COMMD1: variants seen among roughly 807,000 people sequenced by gnomAD.
COMMD1 encodes the protein copper metabolism domain containing 1, also known as COMM domain-containing protein 1.
Under a neutral mutation model 17.2 loss-of-function variants are expected in COMMD1, and 10 were observed. That is an observed-to-expected ratio of 0.58 (90% CI 0.36 to 0.99). The LOEUF (loss-of-function observed/expected upper bound fraction) is 0.99. Ranked by LOEUF, COMMD1 falls within the 50% of genes least tolerant of loss-of-function variation. The pLI is 0.01. For synonymous variants in COMMD1, 97 were observed against 91.6 expected (o/e 1.06, Z -0.34); for missense variants, 270 against 231.8 (o/e 1.17, Z -1.07).
chr2:61,918,706 C>T (rs180892860), intron 1 of COMMD1: 1 of 152,136 alleles, frequency 6.6e-6, no homozygotes, highest in East Asian at 1.9e-4. Flanking sequence ...TTGCTCTATA[C>T]ACAAGGTAAA....
intron 2 of COMMD1, among the ~76,000 whole-genome samples, chr2:62,130,029 G>T (rs1391098929): frequency 1.3e-5 from 2 of 152,028 alleles, no homozygotes; most frequent in African/African-American, 4.8e-5. Flanking sequence ...TAAAAAATTA[G>T]CCGGGCGTGG....
chr2:61,991,901 G>T (rs953012440), intron 1 of COMMD1, among the ~76,000 whole-genome samples: 3 of 151,992 alleles, frequency 2.0e-5, no homozygotes, highest in Non-Finnish European at 4.4e-5. Flanking sequence ...TTCTTTTTTT[G>T]TAGTAAATAT....
At chr2:61,948,812 C>T (rs1670979145) in intron 1 of COMMD1, among the ~76,000 whole-genome samples, 1 of 152,060 alleles carries the variant, frequency 6.6e-6, no homozygotes, top group Non-Finnish European at 1.5e-5. Flanking sequence ...ATTTTTAGCC[C>T]CAGGTGGTTG....
chr2:61,913,399 C>G (rs1050604534), intron 1 of COMMD1, among the ~76,000 whole-genome samples: 2 of 147,236 alleles, frequency 1.4e-5, no homozygotes, highest in Non-Finnish European at 3.0e-5. Flanking sequence ...GAAAAGTGGC[C>G]GGGCATGGTG....
intron 1 of COMMD1, among the ~76,000 whole-genome samples, chr2:61,892,074 G>T (rs1362533341): frequency 2.6e-5 from 4 of 151,672 alleles, no homozygotes; most frequent in Admixed American, 6.6e-5. Context: ...CCGGTGATCC[G>T]CCTGCCTTGG....
intron 2 of COMMD1, among the ~76,000 whole-genome samples, chr2:62,012,310 CGT>C (rs1168666229): frequency 6.9e-6 from 1 of 145,440 alleles, no homozygotes; most frequent in Non-Finnish European, 1.5e-5. Flanking sequence ...CACACACACA[CGT>C]GACCTTTGGC....
intron 2 of COMMD1, chr2:62,084,849 C>T (rs563510537): frequency 6.6e-6 from 1 of 152,216 alleles, no homozygotes; most frequent in East Asian, 1.9e-4. Context: ...GTATCCTTTT[C>T]CAAGCACAGA....
At chr2:61,953,019 C>T (rs989330381) in intron 1 of COMMD1, among the ~76,000 whole-genome samples, 4 of 151,892 alleles carry the variant, frequency 2.6e-5, no homozygotes, top group African/African-American at 9.7e-5. Flanking sequence ...AGGTTAGTTT[C>T]TTTTTTTTGA....
chr2:61,990,877 C>CAA (rs139284456), intron 1 of COMMD1, among the ~76,000 whole-genome samples: 10 of 111,668 alleles, frequency 9.0e-5, no homozygotes, highest in South Asian at 3.0e-4. Context: ...TCTGTCTTTA[C>CAA]AAAAAAAAAA....
At chr2:61,952,222 C>T (rs1040499878) in intron 1 of COMMD1, among the ~76,000 whole-genome samples, 5 of 152,134 alleles carry the variant, frequency 3.3e-5, no homozygotes, top group East Asian at 1.9e-4. Flanking sequence ...AAAACTTAAC[C>T]CCTTCCTTGT....
intron 2 of COMMD1, among the ~76,000 whole-genome samples, chr2:62,074,789 T>C (rs893844466): frequency 6.6e-6 from 1 of 152,176 alleles, no homozygotes; most frequent in African/African-American, 2.4e-5. Flanking sequence ...CCATTTCTCC[T>C]TTCCCTCTTA....
chr2:62,069,566 G>A (rs1042529777), intron 2 of COMMD1: 2 of 152,108 alleles, frequency 1.3e-5, no homozygotes, highest in African/African-American at 4.8e-5. Flanking sequence ...TGTGGGTGGT[G>A]GGTAGGGCAA....
At chr2:62,092,542 A>T (rs1359845793) in intron 2 of COMMD1, among the ~76,000 whole-genome samples, 1 of 152,138 alleles carries the variant, frequency 6.6e-6, no homozygotes, top group Admixed American at 6.6e-5. Flanking sequence ...GCAGTACGAG[A>T]GTTGATTGAA....
At chr2:62,093,840 A>G (rs1251125954) in intron 2 of COMMD1, among the ~76,000 whole-genome samples, 2 of 152,216 alleles carry the variant, frequency 1.3e-5, no homozygotes, top group Non-Finnish European at 2.9e-5. Flanking sequence ...TGCCAAAATC[A>G]TGGGCTACTC....
At chr2:62,023,461 T>C (rs1332439097) in intron 2 of COMMD1, among the ~76,000 whole-genome samples, 1 of 151,970 alleles carries the variant, frequency 6.6e-6, no homozygotes, top group East Asian at 1.9e-4. Context: ...TCTACAAATA[T>C]TTATATATGC....
intron 1 of COMMD1, among the ~76,000 whole-genome samples, chr2:61,921,727 G>A (rs980936069): frequency 6.6e-6 from 1 of 152,114 alleles, no homozygotes; most frequent in Non-Finnish European, 1.5e-5. Flanking sequence ...ACAGGCGTGA[G>A]CCACCGTGCC....
At chr2:62,018,985 G>A (rs1479753169) in intron 2 of COMMD1, among the ~76,000 whole-genome samples, 1 of 150,110 alleles carries the variant, frequency 6.7e-6, no homozygotes, top group Non-Finnish European at 1.5e-5. Context: ...TAGAAGAATA[G>A]AAGAGAGCAA....
At chr2:62,019,184 T>C (rs1669544779) in intron 2 of COMMD1, among the ~76,000 whole-genome samples, 1 of 146,122 alleles carries the variant, frequency 6.8e-6, no homozygotes, top group Non-Finnish European at 1.5e-5. Context: ...TTTCTTTCAT[T>C]TTCTTTTTGA....
intron 2 of COMMD1, among the ~76,000 whole-genome samples, chr2:62,063,795 T>G (rs1670943322): frequency 6.7e-6 from 1 of 148,692 alleles, no homozygotes; most frequent in Non-Finnish European, 1.5e-5. Flanking sequence ...CTATTTCGCT[T>G]TTTTTTCATA....
Sources: allele counts gnomAD v4.1 joint callset (sites outside exome capture counted in the v4.1 genomes callset), GRCh38; gene constraint gnomAD v4.1.1; transcripts MANE v1.5; gene names NCBI Gene and HGNC (gene_info 2026-07-23, HGNC 2026-07-21).